RBFOX1: variants seen among roughly 807,000 people sequenced by gnomAD.
RBFOX1 encodes RNA binding fox-1 homolog 1, also known as RNA binding protein fox-1 homolog 1.
A neutral mutation model predicts 57.7 loss-of-function variants in RBFOX1; 8 were observed. The ratio of observed to expected loss-of-function variants is 0.14; its 90% CI spans 0.08 to 0.25. The LOEUF (loss-of-function observed/expected upper bound fraction) is 0.25, where lower values mean the gene tolerates loss of function less well. RBFOX1 is among the 10% of genes least tolerant of loss of function. The pLI, the probability that RBFOX1 is intolerant of heterozygous loss-of-function variation, is 1.00. For missense variants in RBFOX1, 611 were observed against 548.5 expected (o/e 1.11, Z -1.14); for synonymous variants, 326 against 222.4 (o/e 1.47, Z -4.15).
intron 1 of RBFOX1, among the ~76,000 whole-genome samples, chr16:6,276,798 G>A (rs1412014577): frequency 7.2e-6 from 1 of 138,218 alleles, no homozygotes; most frequent in Non-Finnish European, 1.5e-5. Context: ...ATTACAGTCT[G>A]TAATTATTTC....
intron 4 of RBFOX1, among the ~76,000 whole-genome samples, chr16:7,439,934 C>T (rs1425669752): frequency 6.7e-6 from 1 of 148,472 alleles, no homozygotes; most frequent in East Asian, 2.0e-4. Flanking sequence ...CACAAAACAA[C>T]CAAATCTTTT....
At chr16:7,339,106 A>G (rs1178643936) in intron 4 of RBFOX1, among the ~76,000 whole-genome samples, 2 of 152,206 alleles carry the variant, frequency 1.3e-5, no homozygotes, top group Non-Finnish European at 2.9e-5. Flanking sequence ...GTTGATATAT[A>G]GGCTCTGGCA....
intron 4 of RBFOX1, among the ~76,000 whole-genome samples, chr16:5,875,170 G>A (rs937166586): frequency 6.6e-6 from 1 of 152,148 alleles, no homozygotes; most frequent in Non-Finnish European, 1.5e-5. Context: ...TACCACATGT[G>A]AACGGAGTCC....
At chr16:7,214,688 C>A (rs957097958) in intron 4 of RBFOX1, among the ~76,000 whole-genome samples, 1 of 152,070 alleles carries the variant, frequency 6.6e-6, no homozygotes, top group Admixed American at 6.6e-5. Flanking sequence ...AAATCCAGAA[C>A]CCTTCACACA....
chr16:6,231,299 A>G (rs895239695), intron 1 of RBFOX1, among the ~76,000 whole-genome samples: 2 of 150,800 alleles, frequency 1.3e-5, no homozygotes, highest in Non-Finnish European at 3.0e-5. Context: ...GTGTAGGTCT[A>G]AGGGATATGT....
chr16:6,335,055 C>T (rs1048970823), intron 2 of RBFOX1, among the ~76,000 whole-genome samples: 14 of 152,138 alleles, frequency 9.2e-5, no homozygotes, highest in Admixed American at 3.3e-4. Context: ...TAACTAAATC[C>T]CCTTTCGATG....
In RBFOX1 at chr16:7,139,371, G is replaced by A. The variant is rs572562390; in HGVS notation, c.27+87273G>A. Among the ~76,000 whole-genome samples the A allele has an allele frequency of 5.3e-5, 8 of 152,214 alleles. No individual in the cohort carries two copies. In the South Asian group the frequency reaches 6.2e-4, roughly 12 times the overall value. Reference sequence around the variant, plus strand: ...ACAGACAGAATTGTCTTTCTGCCATGCTTGGCTTCATCCCTCCACTAACTC... The same window carrying A: ...ACAGACAGAATTGTCTTTCTGCCATACTTGGCTTCATCCCTCCACTAACTC... On this transcript the variant is annotated intron_variant, in intron 4 of 15. Transcript: ENST00000550418.
At chr16:7,404,337 G>T (rs1323835728) in intron 4 of RBFOX1, among the ~76,000 whole-genome samples, 2 of 152,142 alleles carry the variant, frequency 1.3e-5, no homozygotes, top group East Asian at 3.9e-4. Context: ...CCAGGCATAA[G>T]CCACCGTGCC....
chr16:5,920,444 T>C (rs941458359), intron 4 of RBFOX1, among the ~76,000 whole-genome samples: 6 of 152,206 alleles, frequency 3.9e-5, no homozygotes, highest in Admixed American at 6.5e-5. Flanking sequence ...GGACCTGTTT[T>C]TATTTCTCGT....
At chr16:7,314,541 C>T (rs2096394438) in intron 4 of RBFOX1, among the ~76,000 whole-genome samples, 2 of 152,128 alleles carry the variant, frequency 1.3e-5, no homozygotes, top group African/African-American at 2.4e-5. Flanking sequence ...GAATGAAGAA[C>T]GGGATGCGAT....
intron 3 of RBFOX1, among the ~76,000 whole-genome samples, chr16:5,810,641 C>G (rs7500532): frequency 6.6e-6 from 1 of 152,188 alleles, no homozygotes; most frequent in Non-Finnish European, 1.5e-5. Flanking sequence ...TCCTAAACAG[C>G]TGTACCACTT....
At chr16:6,166,039 A>G (rs959976382) in intron 1 of RBFOX1, among the ~76,000 whole-genome samples, 2 of 152,212 alleles carry the variant, frequency 1.3e-5, no homozygotes, top group Non-Finnish European at 2.9e-5. Flanking sequence ...TGGAGTGGAA[A>G]GTATTCCTGC....
At chr16:5,558,053 C>T (rs985437377) in intron 2 of RBFOX1, among the ~76,000 whole-genome samples, 1 of 152,138 alleles carries the variant, frequency 6.6e-6, no homozygotes, top group South Asian at 2.1e-4. Flanking sequence ...CCCACTCTAT[C>T]CCCCGCTTCC....
At chr16:6,106,743 C>T (rs1434004869) in intron 1 of RBFOX1, among the ~76,000 whole-genome samples, 2 of 152,154 alleles carry the variant, frequency 1.3e-5, no homozygotes, top group African/African-American at 4.8e-5. Flanking sequence ...TCTCAGCTCA[C>T]TGCAAGCTCT....
intron 1 of RBFOX1, among the ~76,000 whole-genome samples, chr16:6,311,506 C>T (rs1192341362): frequency 6.6e-6 from 1 of 152,124 alleles, no homozygotes; most frequent in Admixed American, 6.5e-5. Context: ...ATATTCCATG[C>T]TGTCCTCACT....
chr16:6,567,358 G>C (rs994991920), intron 2 of RBFOX1, among the ~76,000 whole-genome samples: 1 of 152,170 alleles, frequency 6.6e-6, no homozygotes, highest in African/African-American at 2.4e-5. Flanking sequence ...GTGTGCTGAA[G>C]ATTATACAAC....
At chr16:6,340,136 C>A (rs977945545) in intron 2 of RBFOX1, among the ~76,000 whole-genome samples, 1 of 152,118 alleles carries the variant, frequency 6.6e-6, no homozygotes. Flanking sequence ...GACCATATTT[C>A]TGCCCAAAAT....
chr16:5,463,344 C>G (rs940174997), intron 1 of RBFOX1, among the ~76,000 whole-genome samples: 1 of 152,128 alleles, frequency 6.6e-6, no homozygotes, highest in African/African-American at 2.4e-5. Context: ...TTTCAAGTGA[C>G]TGTTCTATGA....
intron 4 of RBFOX1, among the ~76,000 whole-genome samples, chr16:7,492,114 A>G (rs1049896793): frequency 1.3e-5 from 2 of 152,214 alleles, no homozygotes; most frequent in African/African-American, 4.8e-5. Flanking sequence ...AGGTGGAAAA[A>G]GACTCTGCAA....
Sources: gnomAD v4.1 joint callset for allele counts (sites outside exome capture counted in the v4.1 genomes callset) on GRCh38, gnomAD v4.1.1 for gene constraint, MANE v1.5 for transcripts, NCBI Gene and HGNC (gene_info 2026-07-23, HGNC 2026-07-21) for gene names.